Variants in ARL13A observed in about 807,000 individuals in gnomAD.
The protein encoded by ARL13A is ARF like GTPase 13A, also known as ADP-ribosylation factor-like protein 13A.
A neutral mutation model predicts 19.1 loss-of-function variants in ARL13A; 16 were observed. The observed-to-expected ratio is 0.84, with a 90% CI of 0.57 to 1.27. The LOEUF (loss-of-function observed/expected upper bound fraction) is 1.27. Ranked by LOEUF, ARL13A falls within the 50% of genes most tolerant of loss-of-function variation. ARL13A has a pLI of 0.00. For missense variants in ARL13A, 153 were observed against 186.4 expected (o/e 0.82, Z 1.04); for synonymous variants, 69 against 71.3 (o/e 0.97, Z 0.17).
chrX:100,970,828 C>T (rs1245518099), intron 1 of ARL13A, among the ~76,000 whole-genome samples: 1 of 111,557 alleles, frequency 9.0e-6, no homozygotes, highest in Non-Finnish European at 1.9e-5. Flanking sequence ...CTACCTCACA[C>T]CCACTAGGAT....
At chrX:100,976,542 G>A (rs919213344) in intron 3 of ARL13A, among the ~76,000 whole-genome samples, 44 of 111,597 alleles carry the variant, frequency 3.9e-4, no homozygotes, top group African/African-American at 1.4e-3. Context: ...CAACCTAGTA[G>A]GTTGCTCTGT....
intron 1 of ARL13A, among the ~76,000 whole-genome samples, chrX:100,972,355 G>A (rs200544948): frequency 1.0e-5 from 1 of 95,488 alleles, no homozygotes; most frequent in African/African-American, 3.8e-5. Flanking sequence ...GGCCGGGCGG[G>A]GGGCTGACCC....
chrX:100,974,154 G>A lies in ARL13A; in HGVS notation c.87G>A (p.Leu29=). 8.4e-7 allele frequency: 1 copy of A among 1,190,384 alleles called. No homozygotes were observed. The highest frequency in any genetic ancestry group is 3.0e-5 in the East Asian group (1 of 32,925). The change falls in exon 3 of 8, where the codon TTG becomes TTA. Residue 29 remains leucine (L), a synonymous_variant. Transcript: ENST00000450049. ...ATGTGACCATCCCTATCATTGGCTT[G>A]AACAACTCTGGCAAAACTGTTCTTG... ...RRNVTIPIIG[L]NNSGKTVLVE... is the part of the protein sequence containing the mutation.
chrX:100,990,035 C>T (rs1171392337), intron 7 of ARL13A, among the ~76,000 whole-genome samples: 1 of 112,687 alleles, frequency 8.9e-6, no homozygotes, highest in Non-Finnish European at 1.9e-5. Flanking sequence ...AACTCCAGAA[C>T]TTATGGCAAA....
intron 3 of ARL13A, among the ~76,000 whole-genome samples, chrX:100,982,196 G>A (rs1055813379): frequency 9.0e-6 from 1 of 111,017 alleles, no homozygotes; most frequent in African/African-American, 3.3e-5. Context: ...TTGAGAGAAC[G>A]AGGCCTGGAG....
chrX:100,976,206 C>T (rs2085758991), intron 3 of ARL13A, among the ~76,000 whole-genome samples: 1 of 109,381 alleles, frequency 9.1e-6, no homozygotes, highest in African/African-American at 3.3e-5. Flanking sequence ...CCTTTAGTCT[C>T]GGTGGGCCCT....
chrX:100,978,236 T>C (rs2085798822), intron 3 of ARL13A, among the ~76,000 whole-genome samples: 1 of 112,474 alleles, frequency 8.9e-6, no homozygotes, highest in Non-Finnish European at 1.9e-5. Flanking sequence ...CCATTTGCTC[T>C]ATAGTGCAGA....
chrX:100,973,832 A>T (rs1251073590), intron 2 of ARL13A, 84 bp downstream of exon 2: 3 of 973,307 alleles, frequency 3.1e-6, no homozygotes, highest in Admixed American at 4.7e-5. Flanking sequence ...ACAAATCTTC[A>T]TAATATATAT....
intron 4 of ARL13A, among the ~76,000 whole-genome samples, chrX:100,986,247 G>A (rs888891980): frequency 2.7e-5 from 3 of 111,564 alleles, no homozygotes; most frequent in Non-Finnish European, 3.8e-5. Flanking sequence ...TTCTGGTTTC[G>A]GTCTCTGATC....
chrX:100,976,669 A>G (rs931132483), intron 3 of ARL13A, among the ~76,000 whole-genome samples: 2 of 112,234 alleles, frequency 1.8e-5, no homozygotes, highest in Non-Finnish European at 3.8e-5. Context: ...CTGGAGTGCA[A>G]TGGCACAATC....
At chrX:100,970,001 T>A (rs2085636815) in intron 1 of ARL13A, among the ~76,000 whole-genome samples, 192 bp downstream of exon 1, 1 of 112,102 alleles carries the variant, frequency 8.9e-6, no homozygotes, top group Non-Finnish European at 1.9e-5. Flanking sequence ...GAAGAACTTG[T>A]GTGATGCCAA....
At chrX:100,984,807 C>A (rs1188951275) in intron 3 of ARL13A, among the ~76,000 whole-genome samples, 1 of 112,073 alleles carries the variant, frequency 8.9e-6, no homozygotes, top group Non-Finnish European at 1.9e-5. Flanking sequence ...CTAAACAGTA[C>A]TTGAGCTGGG....
chrX:100,981,129 G>C (rs761704528), intron 3 of ARL13A, among the ~76,000 whole-genome samples: 2 of 111,558 alleles, frequency 1.8e-5, no homozygotes, highest in East Asian at 5.7e-4. Flanking sequence ...GCCCATCACA[G>C]CACCAGGACT....
rs2085723566 is a variant in ARL13A at position 100,974,113 on chromosome X, T to A, written c.60-14T>A. Reference sequence around the variant, plus strand: ...TTTTAAGACTTTGGGCTCATTTTTCTTTTTCATTTCTAGGAATGTGACCAT... The same window carrying A: ...TTTTAAGACTTTGGGCTCATTTTTCATTTTCATTTCTAGGAATGTGACCAT... On this transcript the variant is annotated splice_polypyrimidine_tract_variant and intron_variant, in intron 2 of 7. Transcript: ENST00000450049. 8.5e-7 allele frequency: 1 copy of A among 1,173,731 alleles called. No homozygotes were observed. Among genetic ancestry groups the A allele is most frequent in the Non-Finnish European group, 1.1e-6 (1 of 872,617 alleles).
At chrX:100,984,386 G>A (rs985728932) in intron 3 of ARL13A, among the ~76,000 whole-genome samples, 6 of 110,523 alleles carry the variant, frequency 5.4e-5, no homozygotes, top group Non-Finnish European at 1.1e-4. Flanking sequence ...TGATCTGCCC[G>A]CCTCAGCCTC....
At chrX:100,973,596 GT>G (rs1196168712) in intron 1 of ARL13A, 79 bp from the exon 2 acceptor site, 38 of 990,498 alleles carry the variant, frequency 3.8e-5, no homozygotes, top group Non-Finnish European at 4.8e-5. Context: ...ATCAGCACCT[GT>G]TTAGTCATAA....
rs6620967 is a variant in ARL13A, at chrX:100,983,577, G to A, written c.131-2090G>A. 6.6e-4 allele frequency among the ~76,000 whole-genome samples: 73 copies of A among 110,765 alleles called. No individual in the cohort carries two copies. In the East Asian group the frequency reaches 0.014, roughly 21 times the overall value. The stretch of plus-strand genomic sequence containing the variant: ...TCACCATGTTGGCCAGGCTGGTCTC[G>A]AACTCCTGACCTCAGGTGATCTGCC... On this transcript the variant is annotated intron_variant, in intron 3 of 7. Coordinates refer to ENST00000450049, the MANE Select transcript of ARL13A (RefSeq NM_001162491.2).
intron 3 of ARL13A, among the ~76,000 whole-genome samples, chrX:100,977,130 G>C (rs2085775321): frequency 9.0e-6 from 1 of 110,917 alleles, no homozygotes; most frequent in African/African-American, 3.3e-5. Flanking sequence ...GATCAAATCA[G>C]GGTAAATGGG....
chrX:100,988,318 C>A (rs2085965078), intron 7 of ARL13A, 35 bp downstream of exon 7: 1 of 1,196,010 alleles, frequency 8.4e-7, no homozygotes, highest in Non-Finnish European at 1.1e-6. Flanking sequence ...ATTCAGTGAC[C>A]AATCCCTGAA....
Sources: gnomAD v4.1 joint callset for allele counts (sites outside exome capture counted in the v4.1 genomes callset) on GRCh38, gnomAD v4.1.1 for gene constraint, MANE v1.5 for transcripts, NCBI Gene and HGNC (gene_info 2026-07-23, HGNC 2026-07-21) for gene names.